ROBO2: variants seen among roughly 807,000 people sequenced by gnomAD.
ROBO2 encodes roundabout guidance receptor 2, also known as roundabout homolog 2.
In ROBO2, 53 loss-of-function variants were observed where a neutral mutation model predicts 160.8. The ratio of observed to expected loss-of-function variants is 0.33; its 90% confidence interval spans 0.26 to 0.41. The LOEUF (loss-of-function observed/expected upper bound fraction) is 0.41, where lower values mean the gene tolerates loss of function less well. Among genes scored for constraint, ROBO2 ranks in the 10% least tolerant of loss-of-function variants. ROBO2 has a pLI of 1.00. For missense variants in ROBO2, 1,577 were observed against 1,722.4 expected (o/e 0.92, Z 1.49); for synonymous variants, 664 against 611.7 (o/e 1.09, Z -1.26).
intron 1 of ROBO2, among the ~76,000 whole-genome samples, chr3:77,093,824 C>T (rs1208977444): frequency 6.6e-6 from 1 of 151,752 alleles, no homozygotes; most frequent in Admixed American, 6.6e-5. Context: ...ACTTTATGTC[C>T]TAATTATCTA....
At chr3:77,359,181 G>T (rs1175733673) in intron 2 of ROBO2, among the ~76,000 whole-genome samples, 2 of 152,130 alleles carry the variant, frequency 1.3e-5, no homozygotes, top group Non-Finnish European at 1.5e-5. Flanking sequence ...GATTTTATTC[G>T]TTTCTCAGGG....
At chr3:76,466,616 C>A (rs2078374891) in intron 2 of ROBO2, among the ~76,000 whole-genome samples, 1 of 151,862 alleles carries the variant, frequency 6.6e-6, no homozygotes, top group Non-Finnish European at 1.5e-5. Flanking sequence ...ACGATTTTTT[C>A]ATATAAGCTT....
At chr3:77,257,407 C>G (rs1191822877) in intron 2 of ROBO2, among the ~76,000 whole-genome samples, 1 of 152,078 alleles carries the variant, frequency 6.6e-6, no homozygotes, top group Non-Finnish European at 1.5e-5. Context: ...ATGTGGGGAC[C>G]TGGCAAAGTT....
intron 1 of ROBO2, among the ~76,000 whole-genome samples, chr3:77,067,332 C>T (rs2066963774): frequency 6.6e-6 from 1 of 152,060 alleles, no homozygotes; most frequent in African/African-American, 2.4e-5. Flanking sequence ...TTGCTTATTC[C>T]CAAACTTTGT....
chr3:75,915,099 A>G (rs1439939091), intron 1 of ROBO2, among the ~76,000 whole-genome samples: 2 of 152,228 alleles, frequency 1.3e-5, no homozygotes, highest in Non-Finnish European at 2.9e-5. Flanking sequence ...CATATTATCC[A>G]TAACACTAGA....
chr3:77,179,912 T>C (rs2150829335), intron 2 of ROBO2, among the ~76,000 whole-genome samples: 1 of 152,172 alleles, frequency 6.6e-6, no homozygotes, highest in East Asian at 1.9e-4. Context: ...CCGTTTGTAA[T>C]TAGATAAGGA....
At chr3:77,120,234 C>T (rs866542031) in intron 2 of ROBO2, among the ~76,000 whole-genome samples, 3 of 152,066 alleles carry the variant, frequency 2.0e-5, no homozygotes, top group Non-Finnish European at 2.9e-5. Context: ...ATTTGTCCTA[C>T]GGGCAAGGTA....
intron 2 of ROBO2, among the ~76,000 whole-genome samples, chr3:77,296,201 T>C (rs560885976): frequency 1.4e-3 from 204 of 150,962 alleles, no homozygotes; most frequent in African/African-American, 4.9e-3. Flanking sequence ...TAAAGTAAAA[T>C]TGATGGTTAA....
rs772196827 is a variant in ROBO2, at chr3:76,194,353, A to AATAT, written c.109+256781_109+256784dup. ...TCTATATAAATATGTATGGTGTGTAAATATATATATATATATATATATATA... is the reference window on the plus strand; with the variant it reads ...TCTATATAAATATGTATGGTGTGTAAATATATATATATATATATATATATATATA... On this transcript the variant is annotated intron_variant, in intron 2 of 26. Transcript: ENST00000487694. Among the ~76,000 whole-genome samples the AATAT allele has an allele frequency of 8.3e-4, 78 of 94,506 alleles. 2 individuals are homozygous for AATAT. The highest frequency in any genetic ancestry group is 3.0e-3 in the African/African-American group (74 of 24,612). 62.0% of individuals were successfully genotyped at this position (94,506 alleles called of 152,430 possible). A position where few individuals can be genotyped will look rare whatever the true frequency, so the allele number is the denominator to read the frequency against.
chr3:76,102,292 AT>A (rs1416401020), intron 2 of ROBO2, among the ~76,000 whole-genome samples: 1 of 152,194 alleles, frequency 6.6e-6, no homozygotes, highest in African/African-American at 2.4e-5. Context: ...GAAGGATAAC[AT>A]TTGGATATAC....
Position 76,451,238 on chromosome 3 carries a change from A to T in ROBO2, c.109+513636A>T, listed in dbSNP as rs539510745. Among the ~76,000 whole-genome samples, 3 of 152,296 alleles carry T rather than the reference A, an allele frequency of 2.0e-5. No homozygotes were observed. In the South Asian group the frequency reaches 6.2e-4, roughly 32 times the overall value. On this transcript the variant is annotated intron_variant, in intron 2 of 26. Coordinates refer to the ROBO2 transcript ENST00000487694. ...ATGAGAATGAGGTCTCCTTGTCCCCATAAGTGATAACTGAATATTGGTAAA... is the reference window on the plus strand; with the variant it reads ...ATGAGAATGAGGTCTCCTTGTCCCCTTAAGTGATAACTGAATATTGGTAAA...
intron 2 of ROBO2, among the ~76,000 whole-genome samples, chr3:77,360,892 G>A (rs1306554603): frequency 3.3e-5 from 2 of 60,532 alleles, no homozygotes; most frequent in African/African-American, 1.2e-4. Flanking sequence ...AAATATTTTT[G>A]TTTGCATTTT....
chr3:76,405,964 C>T (rs938341246), intron 2 of ROBO2, among the ~76,000 whole-genome samples: 1 of 151,566 alleles, frequency 6.6e-6, no homozygotes, highest in Admixed American at 6.6e-5. Flanking sequence ...CATGTAGTTA[C>T]TTGTGTTTTC....
chr3:76,331,819 G>A (rs941498856), intron 2 of ROBO2, among the ~76,000 whole-genome samples: 69 of 151,860 alleles, frequency 4.5e-4, no homozygotes, highest in Non-Finnish European at 1.9e-4. Context: ...AAGTAGCTGG[G>A]ACTACAGGCG....
intron 2 of ROBO2, among the ~76,000 whole-genome samples, chr3:76,296,619 A>G (rs1362066016): frequency 6.6e-6 from 1 of 152,140 alleles, no homozygotes; most frequent in East Asian, 1.9e-4. Context: ...TAATTTACCT[A>G]TATACCTTGC....
intron 2 of ROBO2, among the ~76,000 whole-genome samples, chr3:77,476,368 ATGTGTGTGTG>A (rs60219148): frequency 0.034 from 4,907 of 144,184 alleles, 203 homozygotes; most frequent in African/African-American, 0.1. Flanking sequence ...GTCTGTGGGT[ATGTGTGTGTG>A]TGTGTGTGTG....
chr3:76,807,514 A>G (rs930913547), intron 2 of ROBO2, among the ~76,000 whole-genome samples: 30 of 152,114 alleles, frequency 2.0e-4, no homozygotes, highest in African/African-American at 6.5e-4. Context: ...TATCTATTTC[A>G]AAACTTATTA....
intron 2 of ROBO2, among the ~76,000 whole-genome samples, chr3:76,465,578 G>A (rs2078317332): frequency 6.6e-6 from 1 of 152,030 alleles, no homozygotes; most frequent in Non-Finnish European, 1.5e-5. Flanking sequence ...ATCATTCACA[G>A]TGGATAATCT....
At chr3:75,924,581 G>A (rs971289219) in intron 1 of ROBO2, among the ~76,000 whole-genome samples, 1 of 151,712 alleles carries the variant, frequency 6.6e-6, no homozygotes, top group Non-Finnish European at 1.5e-5. Context: ...AATTTATTAT[G>A]AGCAGTAAGA....
Sources: gnomAD v4.1 joint callset for allele counts (sites outside exome capture counted in the v4.1 genomes callset) on GRCh38, gnomAD v4.1.1 for gene constraint, MANE v1.5 for transcripts, NCBI Gene and HGNC (gene_info 2026-07-23, HGNC 2026-07-21) for gene names.